The following RHBDL1 variants were observed in gnomAD, a reference collection of about 807,000 sequenced individuals.
RHBDL1 encodes the protein rhomboid like 1, also known as rhomboid-related protein 1.
RHBDL1 carries 21 observed loss-of-function variants against 34.0 expected under a neutral mutation model. The ratio of observed to expected loss-of-function variants is 0.62; its 90% CI spans 0.44 to 0.89. The LOEUF is 0.89. RHBDL1 is among the 40% of genes least tolerant of loss of function. The probability of loss-of-function intolerance (pLI) is 0.00; values close to 1 mark genes in which losing one functional copy is unlikely to be tolerated. For missense variants in RHBDL1, 450 were observed against 530.6 expected, an observed-to-expected ratio of 0.85 and a Z score of 1.49; for synonymous variants, 268 against 234.8, an observed-to-expected ratio of 1.14 and a Z score of -1.29.
Position 677,345 on chromosome 16 carries a change from C to T in RHBDL1, c.645C>T (p.Gly215=), listed in dbSNP as rs777741928. Residue 215 remains glycine (G), a synonymous_variant, in exon 5 of 8, where the codon GGC becomes GGT. Coordinates refer to ENST00000352681, the MANE Select transcript of RHBDL1 (RefSeq NM_001278720.2). ...MIGVPLEMVH[G]LLRISLLYLA... ...GGGTGCCCCTGGAGATGGTGCACGG[C>T]CTGCTCCGCATCAGCCTGCTCTACC... 3.2e-6 allele frequency: 5 copies of T among 1,575,786 alleles called. No homozygotes were observed. The highest frequency in any genetic ancestry group is 3.4e-6 in the Non-Finnish European group (4 of 1,161,528).
Position 676,509 on chromosome 16 carries a change from G to A in RHBDL1, c.201+12G>A, listed in dbSNP as rs766555935. On this transcript the variant is annotated intron_variant, in intron 2 of 7. Transcript: ENST00000352681. The surrounding 1 kb of genome is among the most constrained non-coding windows in gnomAD (Gnocchi z 6.9). ...AGCTGGTGGACCTGGTCAGTGCCACGGTGGGCAGGCGGCAGGGGCACGGTG... is the reference window on the plus strand; with the variant it reads ...AGCTGGTGGACCTGGTCAGTGCCACAGTGGGCAGGCGGCAGGGGCACGGTG... 4.6e-5 allele frequency: 73 copies of A among 1,580,188 alleles called. 1 individual carries two copies. The East Asian group carries it at 1.1e-3, about 23-fold the overall frequency.
At chr16:675,947 C>T (rs1007515383) in intron 1 of RHBDL1, 118 bp downstream of exon 1, 89 of 1,399,050 alleles carry the variant, frequency 6.4e-5, no homozygotes, top group South Asian at 7.6e-5. Context: ...CTACCTCATC[C>T]CTCCACGACC....
Position 676,658 on chromosome 16 carries a change from G to T in RHBDL1, c.202-14G>T. 2 of 1,609,212 alleles carry T rather than the reference G, an allele frequency of 1.2e-6. No individual in the cohort carries two copies. Among genetic ancestry groups the T allele is most frequent in the Non-Finnish European group, 1.7e-6 (2 of 1,178,988 alleles). On this transcript the variant is annotated splice_polypyrimidine_tract_variant and intron_variant, in intron 2 of 7. Coordinates refer to ENST00000352681, the MANE Select transcript of RHBDL1 (RefSeq NM_001278720.2). This position sits in a 1 kb window ranked among gnomAD's most constrained non-coding sequence, Gnocchi z 6.9. ...GGGGAGGTCCGTGGCCCACACTCAG[G>T]CCCCTGCCCCCAGATCAGCAGCAAG...
In RHBDL1 at chr16:676,438, G is replaced by C. The variant is rs1425130779; in HGVS notation, c.142G>C (p.Val48Leu). 2 of 1,606,110 alleles carry C rather than the reference G, an allele frequency of 1.2e-6. No individual in the cohort carries two copies. Among genetic ancestry groups the C allele is most frequent in the Admixed American group, 3.4e-5 (2 of 59,614 alleles). The change falls in exon 2 of 8, where the codon GTG (valine) becomes CTG (leucine). Residue 48 changes from valine (V) to leucine (L), a missense_variant. Coordinates refer to ENST00000352681, the MANE Select transcript of RHBDL1 (RefSeq NM_001278720.2). This position sits in a 1 kb window ranked among gnomAD's most constrained non-coding sequence, Gnocchi z 6.9. Reference sequence around the variant, plus strand: ...GGACCCGGCCAAGCTGGACATGCTGGTGGCCCTGGCTCAGAGCAACGAGCA... The same window carrying C: ...GGACCCGGCCAAGCTGGACATGCTGCTGGCCCTGGCTCAGAGCAACGAGCA... ...PLDPAKLDMLVALAQSNEQGQ... is the reference protein window; with the variant it reads ...PLDPAKLDMLLALAQSNEQGQ...
Position 677,888 on chromosome 16 carries a change from G to T in RHBDL1, c.958G>T (p.Val320Leu). 1 of 1,600,030 alleles carries T rather than the reference G, an allele frequency of 6.2e-7. No individual in the cohort carries two copies. Among genetic ancestry groups the T allele is most frequent in the Non-Finnish European group, 8.5e-7 (1 of 1,178,390 alleles). The change falls in exon 8 of 8, where the codon GTG (valine) becomes TTG (leucine). Residue 320 changes from valine (V) to leucine (L), a missense_variant. Transcript: ENST00000352681. ...MAHLAGAVVG[V>L]SMGLTILRSY... ...GCACCTGGCAGGCGCGGTGGTGGGG[G>T]TGAGCATGGGCCTGACCATCCTGCG...
chr16:678,084 C>T lies in RHBDL1; in HGVS notation c.*32C>T, dbSNP rs1321604144. 1.1e-5 allele frequency: 16 copies of T among 1,511,480 alleles called. No individual in the cohort carries two copies. Among genetic ancestry groups the T allele is most frequent in the Middle Eastern group, 1.8e-4 (1 of 5,434 alleles). 93.6% of individuals were successfully genotyped at this position (1,511,480 alleles called of 1,614,324 possible). On this transcript the variant is annotated 3_prime_UTR_variant, in exon 8 of 8. Transcript: ENST00000352681. ...ACCTGAGGCTGCACAGGCCAGGGCTCGGGCATGTGGTGGCCGCCCACCAGG... is the reference window on the plus strand; with the variant it reads ...ACCTGAGGCTGCACAGGCCAGGGCTTGGGCATGTGGTGGCCGCCCACCAGG...
At position 678,121 on chromosome 16, in the gene RHBDL1, C is replaced by G; in HGVS notation, c.*69C>G. The stretch of plus-strand genomic sequence containing the variant: ...GGCCGCCCACCAGGGGCCTTCACGT[C>G]TGCCCTTTGTGAACGGACGTCTCAG... On this transcript the variant is annotated 3_prime_UTR_variant, in exon 8 of 8. Transcript: ENST00000352681. The G allele has an allele frequency of 6.8e-7, 1 of 1,464,202 alleles. No homozygotes were observed. The highest frequency in any genetic ancestry group is 2.5e-5 in the East Asian group (1 of 40,396). 90.7% of individuals were successfully genotyped at this position (1,464,202 alleles called of 1,614,324 possible). A position where few individuals can be genotyped will look rare whatever the true frequency, so the allele number is the denominator to read the frequency against.
intron 7 of RHBDL1, 34 bp from the exon 8 acceptor site, chr16:677,747 C>T (rs2039575183): frequency 2.5e-5 from 38 of 1,520,930 alleles, no homozygotes; most frequent in Non-Finnish European, 3.3e-5. Context: ...AGCCTGCAGC[C>T]AGGGCACCTC....
At position 676,763 on chromosome 16, in the gene RHBDL1, T is replaced by C; in HGVS notation, c.293T>C (p.Leu98Pro). The change falls in exon 3 of 8, where the codon CTA (leucine) becomes CCA (proline). Residue 98 changes from leucine to proline, a missense_variant. Transcript: ENST00000352681. The surrounding 1 kb of genome is among the most constrained non-coding windows in gnomAD (Gnocchi z 6.9). Reference sequence around the variant, plus strand: ...GACGGGCCGCTGGATGAGCCAGGCCTAGGTGTCTACAAGCGGTTTGTGCGT... The same window carrying C: ...GACGGGCCGCTGGATGAGCCAGGCCCAGGTGTCTACAAGCGGTTTGTGCGT... Reference protein sequence around the residue: ...PRDGPLDEPGLGVYKRFVRYV... With the variant: ...PRDGPLDEPGPGVYKRFVRYV... The C allele has an allele frequency of 6.2e-7, 1 of 1,611,344 alleles. No individual in the cohort carries two copies. Among genetic ancestry groups the C allele is most frequent in the East Asian group, 2.2e-5 (1 of 44,818 alleles).
In RHBDL1 at chr16:677,558, T is replaced by C. The variant is rs1401140157; in HGVS notation, c.788T>C (p.Met263Thr). The C allele has an allele frequency of 6.2e-7, 1 of 1,610,040 alleles. No individual in the cohort carries two copies. Among genetic ancestry groups the C allele is most frequent in the Non-Finnish European group, 8.5e-7 (1 of 1,179,024 alleles). Residue 263 changes from methionine to threonine, a missense_variant and splice_region_variant, in exon 6 of 8, where the codon ATG becomes ACG. Met to Thr is a moderately conservative substitution (Grantham distance 81). Transcript: ENST00000352681. The stretch of plus-strand genomic sequence containing the variant: ...TCGGCACACCTGGCCAACGTTGTCA[T>C]GGTAACGGGCCTGCCCGGTGGGGGG... ...LCSAHLANVV[M>T]NWAGMRCPYK...
chr16:677,357 C>T lies in RHBDL1; in HGVS notation c.657C>T (p.Ile219=). The change falls in exon 5 of 8, where the codon ATC becomes ATT. Residue 219 remains isoleucine, a synonymous_variant. Transcript: ENST00000352681. ...AGATGGTGCACGGCCTGCTCCGCAT[C>T]AGCCTGCTCTACCTGGCAGGCGTGC... The part of the protein sequence containing the change: ...PLEMVHGLLR[I]SLLYLAGVLA... 1.3e-6 allele frequency: 2 copies of T among 1,575,864 alleles called. No individual in the cohort carries two copies. The highest frequency in any genetic ancestry group is 2.3e-5 in the South Asian group (2 of 86,768).
chr16:677,434 C>A (rs928819631), intron 5 of RHBDL1, 25 bp from the exon 6 acceptor site: 2 of 1,584,798 alleles, frequency 1.3e-6, no homozygotes, highest in African/African-American at 1.3e-5. Flanking sequence ...CCGGCTGCAC[C>A]CTCACCCGCC....
At position 678,056 on chromosome 16, in the gene RHBDL1, GC is replaced by G. The variant is rs2039584652; in HGVS notation, c.*5del. 1 of 1,551,254 alleles carries G rather than the reference GC, an allele frequency of 6.4e-7. No homozygotes were observed. Among genetic ancestry groups the G allele is most frequent in the Non-Finnish European group, 8.7e-7 (1 of 1,153,516 alleles). On this transcript the variant is annotated 3_prime_UTR_variant, in exon 8 of 8. Coordinates refer to ENST00000352681, the MANE Select transcript of RHBDL1 (RefSeq NM_001278720.2). ...CCACATCCCCCCACCGCCCTGACCG[GC>G]TACCTGAGGCTGCACAGGCCAGGGC...
intron 1 of RHBDL1, 77 bp downstream of exon 1, chr16:675,906 G>C: frequency 6.3e-6 from 9 of 1,438,960 alleles, no homozygotes; most frequent in Non-Finnish European, 8.3e-6. Context: ...GCTTGTGCGG[G>C]ACCGAGCTCC....
Position 678,103 on chromosome 16 carries a change from C to A in RHBDL1, c.*51C>A. The A allele has an allele frequency of 6.7e-7, 1 of 1,486,822 alleles. No homozygotes were observed. The highest frequency in any genetic ancestry group is 1.3e-5 in the South Asian group (1 of 74,164). 92.1% of individuals were successfully genotyped at this position (1,486,822 alleles called of 1,614,324 possible). A position where few individuals can be genotyped will look rare whatever the true frequency, so the allele number is the denominator to read the frequency against. On this transcript the variant is annotated 3_prime_UTR_variant, in exon 8 of 8. Coordinates refer to ENST00000352681, the MANE Select transcript of RHBDL1 (RefSeq NM_001278720.2). The stretch of plus-strand genomic sequence containing the variant: ...AGGGCTCGGGCATGTGGTGGCCGCC[C>A]ACCAGGGGCCTTCACGTCTGCCCTT...
Position 676,840 on chromosome 16 carries a change from T to G in RHBDL1, c.370T>G (p.Tyr124Asp). Residue 124 changes from tyrosine (Y) to aspartate (D), a missense_variant, in exon 3 of 8, where the codon TAC becomes GAC. Tyr to Asp is a radical substitution (Grantham distance 160). Coordinates refer to ENST00000352681, the MANE Select transcript of RHBDL1 (RefSeq NM_001278720.2). This position sits in a 1 kb window ranked among gnomAD's most constrained non-coding sequence, Gnocchi z 6.9. The stretch of plus-strand genomic sequence containing the variant: ...TGAGGTGGACCGCCGCTGGTACTTC[T>G]ACCGTCACCGCAGCTGCCCACCCCC... ...PCEVDRRWYF[Y>D]RHRSCPPPVF... 1 of 1,611,542 alleles carries G rather than the reference T, an allele frequency of 6.2e-7. No homozygotes were observed. Among genetic ancestry groups the G allele is most frequent in the East Asian group, 2.2e-5 (1 of 44,816 alleles).
At chr16:675,992 GACTGGACCA>G in intron 1 of RHBDL1, 163 bp downstream of exon 1, 1 of 1,412,882 alleles carries the variant, frequency 7.1e-7, no homozygotes, top group Non-Finnish European at 9.3e-7. Flanking sequence ...GGAGAGGACT[GACTGGACCA>G]GAGCTCCTGG....
rs769704489 is a variant in RHBDL1, at chr16:676,717, G to A, written c.247G>A (p.Gly83Arg). Reference protein sequence around the residue: ...SSSFKRAIANGQRALPRDGPL... With the variant: ...SSSFKRAIANRQRALPRDGPL... ...CAGTTTCAAGCGGGCCATTGCTAAC[G>A]GACAGCGGGCACTGCCCCGGGACGG... The change falls in exon 3 of 8, where the codon GGA becomes AGA. Residue 83 changes from glycine (G) to arginine (R), a missense_variant. Physicochemically the swap from Gly to Arg is moderately radical, Grantham distance 125. Transcript: ENST00000352681. This position sits in a 1 kb window ranked among gnomAD's most constrained non-coding sequence, Gnocchi z 6.9. 4.3e-6 allele frequency: 7 copies of A among 1,612,292 alleles called. No individual in the cohort carries two copies. The highest frequency in any genetic ancestry group is 2.2e-5 in the East Asian group (1 of 44,866).
At position 675,943 on chromosome 16, in the gene RHBDL1, C is replaced by T; in HGVS notation, c.39+114C>T. On this transcript the variant is annotated intron_variant, in intron 1 of 7. Transcript: ENST00000352681. ...CGAAAGCCCCGCTCGGTACCTACCTCATCCCTCCACGACCTTGGTCCGTGT... is the reference window on the plus strand; with the variant it reads ...CGAAAGCCCCGCTCGGTACCTACCTTATCCCTCCACGACCTTGGTCCGTGT... 5 of 1,409,396 alleles carry T rather than the reference C, an allele frequency of 3.5e-6. No individual in the cohort carries two copies. In the South Asian group the frequency reaches 4.5e-5, roughly 13 times the overall value. 87.3% of individuals were successfully genotyped at this position (1,409,396 alleles called of 1,614,324 possible).
Sources: gnomAD v4.1 joint callset for allele counts on GRCh38, gnomAD v4.1.1 for gene constraint, Gnocchi (gnomAD v3.1) non-coding constraint, MANE v1.5 for transcripts, NCBI Gene and HGNC (gene_info 2026-07-23, HGNC 2026-07-21) for gene names.